The following GRID2 variants were observed in gnomAD, a reference collection of about 807,000 sequenced individuals.
GRID2 encodes the protein glutamate ionotropic receptor delta type subunit 2, also known as glutamate receptor ionotropic, delta-2.
Under a neutral mutation model 114.8 loss-of-function variants are expected in GRID2, and 33 were observed. The observed-to-expected ratio is 0.29, with a 90% CI of 0.22 to 0.38. The LOEUF is 0.38. Ranked by LOEUF, GRID2 falls within the 10% of genes least tolerant of loss-of-function variation. The probability of loss-of-function intolerance (pLI) is 1.00; values close to 1 mark genes in which losing one functional copy is unlikely to be tolerated. For synonymous variants in GRID2, 505 were observed against 449.9 expected, an observed-to-expected ratio of 1.12 and a Z score of -1.55; for missense variants, 1,184 against 1,257.7, an observed-to-expected ratio of 0.94 and a Z score of 0.89.
At chr4:93,670,196 T>C (rs928980025) in intron 14 of GRID2, among the ~76,000 whole-genome samples, 19 of 152,184 alleles carry the variant, frequency 1.2e-4, no homozygotes, top group African/African-American at 4.3e-4. Context: ...GAACGAATGA[T>C]AATATGGTTT....
chr4:93,245,521 A>T (rs1443157905), intron 8 of GRID2, among the ~76,000 whole-genome samples: 1 of 152,196 alleles, frequency 6.6e-6, no homozygotes, highest in Non-Finnish European at 1.5e-5. Context: ...TAAATTGATT[A>T]TTCCAAGCAA....
intron 13 of GRID2, among the ~76,000 whole-genome samples, chr4:93,534,949 A>G (rs1293510536): frequency 6.6e-6 from 1 of 151,388 alleles, no homozygotes; most frequent in Non-Finnish European, 1.5e-5. Flanking sequence ...TGTACATCAC[A>G]TTTCCAGAAC....
rs371487551 is a variant in GRID2 at position 93,247,796 on chromosome 4, A to G, written c.1245+9306A>G. On this transcript the variant is annotated intron_variant, in intron 8 of 15. Coordinates refer to ENST00000282020, the MANE Select transcript of GRID2 (RefSeq NM_001510.4). ...TATATTCCCCTGGAGAACCCTGACA[A>G]TACCTTGGTATGATATCTTACCACG... 2.5e-3 allele frequency among the ~76,000 whole-genome samples: 382 copies of G among 152,086 alleles called. 3 individuals are homozygous for G. Among genetic ancestry groups the G allele is most frequent in the African/African-American group, 8.4e-3 (347 of 41,494 alleles).
chr4:93,506,375 T>A (rs1728628182), intron 12 of GRID2, among the ~76,000 whole-genome samples: 1 of 152,214 alleles, frequency 6.6e-6, no homozygotes, highest in South Asian at 2.1e-4. Flanking sequence ...GCCAGGTAGA[T>A]GTGCCCTTCT....
chr4:92,463,366 A>G (rs1281443694), intron 1 of GRID2, among the ~76,000 whole-genome samples: 7 of 152,006 alleles, frequency 4.6e-5, no homozygotes, highest in Non-Finnish European at 1.0e-4. Flanking sequence ...TAGGTCTACC[A>G]TCACAGAGTT....
intron 1 of GRID2, among the ~76,000 whole-genome samples, chr4:92,407,405 G>A (rs1338833445): frequency 6.6e-6 from 1 of 152,114 alleles, no homozygotes; most frequent in Non-Finnish European, 1.5e-5. Flanking sequence ...AGGTGCGTAG[G>A]TCTTTTTGAT....
chr4:92,590,017 T>C (rs923204416), intron 1 of GRID2, 114 bp from the exon 2 acceptor site: 15 of 674,614 alleles, frequency 2.2e-5, no homozygotes, highest in Non-Finnish European at 3.1e-5. Context: ...ATAAAGTGCA[T>C]GCTCTAAGTG....
chr4:93,582,313 C>T (rs1337542756), intron 13 of GRID2, among the ~76,000 whole-genome samples: 1 of 152,112 alleles, frequency 6.6e-6, no homozygotes, highest in Non-Finnish European at 1.5e-5. Flanking sequence ...CTTAAAAGGA[C>T]CCTTGTCCTT....
intron 7 of GRID2, among the ~76,000 whole-genome samples, chr4:93,232,977 T>C (rs551073734): frequency 2.6e-5 from 4 of 152,226 alleles, no homozygotes; most frequent in East Asian, 3.9e-4. Context: ...AAAGGAGAAA[T>C]ACCAAGTGTT....
At position 93,608,090 on chromosome 4, in the gene GRID2, A is replaced by G. The variant is rs555192214; in HGVS notation, c.2194-18179A>G. On this transcript the variant is annotated intron_variant, in intron 13 of 15. Transcript: ENST00000282020. ...TAAGTATATATATGCATATATATAC[A>G]CATATATGTATATATACACACACAC... 4.9e-5 allele frequency among the ~76,000 whole-genome samples: 7 copies of G among 143,022 alleles called. No homozygotes were observed. In the East Asian group the frequency reaches 1.2e-3, roughly 24 times the overall value. The allele number at this position is 143,022 out of a possible 152,430, so 93.8% of individuals were successfully genotyped here.
chr4:93,204,661 T>C (rs1414072826), intron 4 of GRID2, among the ~76,000 whole-genome samples: 2 of 152,138 alleles, frequency 1.3e-5, no homozygotes, highest in Admixed American at 6.5e-5. Context: ...CCTAACATAC[T>C]TTAAGATGAA....
intron 13 of GRID2, among the ~76,000 whole-genome samples, chr4:93,601,670 T>C (rs1739697615): frequency 6.6e-6 from 1 of 152,226 alleles, no homozygotes; most frequent in Non-Finnish European, 1.5e-5. Flanking sequence ...ATTAGTCCTG[T>C]TTAATCTCTG....
intron 13 of GRID2, among the ~76,000 whole-genome samples, chr4:93,589,198 C>A (rs959670316): frequency 3.4e-5 from 4 of 116,388 alleles, no homozygotes; most frequent in African/African-American, 1.0e-4. Context: ...CTATCCCTCC[C>A]CCCTCCCCCC....
At position 92,597,420 on chromosome 4, in the gene GRID2, T is replaced by A. The variant is rs537633243; in HGVS notation, c.244+7134T>A. Among the ~76,000 whole-genome samples, 3 of 152,274 alleles carry A rather than the reference T, an allele frequency of 2.0e-5. No homozygotes were observed. In the East Asian group the frequency reaches 5.8e-4, roughly 29 times the overall value. ...ATTGAAATTCAGATGTTTACAGACC[T>A]CTACATCATAATTTTATAGCCTTTG... On this transcript the variant is annotated intron_variant, in intron 2 of 15. Transcript: ENST00000282020.
intron 1 of GRID2, among the ~76,000 whole-genome samples, chr4:92,418,673 C>T (rs938468703): frequency 1.3e-5 from 2 of 151,930 alleles, no homozygotes; most frequent in African/African-American, 2.4e-5. Flanking sequence ...AGGTTTCTGG[C>T]TAGCTTAATT....
chr4:92,600,044 GTATA>G (rs70942915), intron 2 of GRID2, among the ~76,000 whole-genome samples: 10,466 of 53,600 alleles, frequency 0.2, 942 homozygotes, highest in Middle Eastern at 0.28. Context: ...GTGTGTGTGT[GTATA>G]TATATATATA....
rs183716232 is a variant in GRID2, at chr4:93,315,208, C to T, written c.1245+76718C>T. On this transcript the variant is annotated intron_variant, in intron 8 of 15. Transcript: ENST00000282020. ...GAACAGCATGAGGGGAAACTGCCCC[C>T]ATAATCCATAATCCAATCACTTTTC... Among the ~76,000 whole-genome samples the T allele has an allele frequency of 2.7e-3, 404 of 152,224 alleles. 9 individuals are homozygous for T. The East Asian group carries it at 0.053, about 20-fold the overall frequency.
At chr4:92,501,335 C>T (rs1281747773) in intron 1 of GRID2, among the ~76,000 whole-genome samples, 3 of 152,066 alleles carry the variant, frequency 2.0e-5, no homozygotes, top group Admixed American at 6.6e-5. Context: ...ATTCCACATT[C>T]GTTGAACACT....
chr4:92,754,963 C>T (rs938281606), intron 2 of GRID2, among the ~76,000 whole-genome samples: 2 of 152,104 alleles, frequency 1.3e-5, no homozygotes, highest in Non-Finnish European at 2.9e-5. Flanking sequence ...CTTTTCTGTG[C>T]GTGTGCATAC....
Sources: gnomAD v4.1 joint callset for allele counts (sites outside exome capture counted in the v4.1 genomes callset) on GRCh38, gnomAD v4.1.1 for gene constraint, MANE v1.5 for transcripts, NCBI Gene and HGNC (gene_info 2026-07-23, HGNC 2026-07-21) for gene names.